The following KLF1 variants were observed in gnomAD, a reference collection of about 807,000 sequenced individuals.
KLF1 encodes Krueppel-like factor 1.
KLF1 carries 29 observed loss-of-function variants against 28.0 expected under a neutral mutation model. The observed-to-expected ratio is 1.04, with a 90% confidence interval of 0.77 to 1.41. The LOEUF is 1.41. Among genes scored for constraint, KLF1 ranks in the 40% most tolerant of loss-of-function variants. The pLI is 0.00. For missense variants in KLF1, 508 were observed against 515.1 expected (o/e 0.99, Z 0.13); for synonymous variants, 262 against 242.6 (o/e 1.08, Z -0.74).
rs1258067568 is a variant in KLF1 at position 12,885,304 on chromosome 19, CCCG to C, written c.913+10_913+12del. The C allele has an allele frequency of 5.1e-6, 8 of 1,564,842 alleles. No individual in the cohort carries two copies. The highest frequency in any genetic ancestry group is 6.9e-6 in the Non-Finnish European group (8 of 1,154,074). On this transcript the variant is annotated intron_variant, in intron 2 of 2. Coordinates refer to ENST00000264834, the MANE Select transcript of KLF1 (RefSeq NM_006563.5). The surrounding 1 kb of genome is among the most constrained non-coding windows in gnomAD (Gnocchi z 5.6). ...CCGCGCCCTTTCTCATGTCCGGGGCCCCGCCCCCTCACCTGTGTGCGTGCGCAG... is the reference window on the plus strand; with the variant it reads ...CCGCGCCCTTTCTCATGTCCGGGGCCCCCCCTCACCTGTGTGCGTGCGCAG...
intron 1 of KLF1, among the ~76,000 whole-genome samples, chr19:12,886,609 CT>C (rs969979307): frequency 0.068 from 9,419 of 137,768 alleles, 389 homozygotes; most frequent in African/African-American, 0.13. Flanking sequence ...GATCTCGTTC[CT>C]TTTTTTTTTT....
At position 12,885,336 on chromosome 19, in the gene KLF1, C is replaced by T. The variant is rs377567042; in HGVS notation, c.894G>A (p.Ala298=). 3.8e-6 allele frequency: 6 copies of T among 1,594,448 alleles called. No individual in the cohort carries two copies. Among genetic ancestry groups the T allele is most frequent in the Admixed American group, 1.7e-5 (1 of 57,458 alleles). The change falls in exon 2 of 3, where the codon GCG becomes GCA. Residue 298 remains alanine (A), a synonymous_variant. Coordinates refer to ENST00000264834, the MANE Select transcript of KLF1 (RefSeq NM_006563.5). This position sits in a 1 kb window ranked among gnomAD's most constrained non-coding sequence, Gnocchi z 5.6. ...KSYTKSSHLK[A]HLRTHTGEKP... is the part of the protein sequence containing the mutation. ...CCTCACCTGTGTGCGTGCGCAGATG[C>T]GCCTTCAGGTGGGAGCTCTTGGTGT...
In KLF1 at chr19:12,884,807, G is replaced by A. The variant is rs942327194; in HGVS notation, c.*78C>T. On this transcript the variant is annotated 3_prime_UTR_variant, in exon 3 of 3. Coordinates refer to ENST00000264834, the MANE Select transcript of KLF1 (RefSeq NM_006563.5). ...AACCACCCAGCATTGTGTCACGCGC[G>A]TCCGTGTGAAGAGACCACCAAACAG... 2.0e-6 allele frequency: 3 copies of A among 1,475,398 alleles called. 1 individual carries two copies. Among genetic ancestry groups the A allele is most frequent in the Admixed American group, 3.4e-5 (2 of 59,660 alleles). The allele number at this position is 1,475,398 out of a possible 1,614,324, so 91.4% of individuals were successfully genotyped here. A position where few individuals can be genotyped will look rare whatever the true frequency, so the allele number is the denominator to read the frequency against.
At position 12,885,185 on chromosome 19, in the gene KLF1, G is replaced by A; in HGVS notation, c.914-125C>T. On this transcript the variant is annotated intron_variant, in intron 2 of 2. Coordinates refer to ENST00000264834, the MANE Select transcript of KLF1 (RefSeq NM_006563.5). This position sits in a 1 kb window ranked among gnomAD's most constrained non-coding sequence, Gnocchi z 5.6. Reference sequence around the variant, plus strand: ...AGGATGAACAAAGTGAGGCCCCTAGGGCACAAAATTTAAGGAGGCACTCAC... The same window carrying A: ...AGGATGAACAAAGTGAGGCCCCTAGAGCACAAAATTTAAGGAGGCACTCAC... 1.4e-6 allele frequency: 2 copies of A among 1,380,010 alleles called. No homozygotes were observed. The highest frequency in any genetic ancestry group is 9.9e-7 in the Non-Finnish European group (1 of 1,007,684). 85.5% of individuals were successfully genotyped at this position (1,380,010 alleles called of 1,614,324 possible). A position where few individuals can be genotyped will look rare whatever the true frequency, so the allele number is the denominator to read the frequency against.
At position 12,884,991 on chromosome 19, in the gene KLF1, C is replaced by T. The variant is rs140252918; in HGVS notation, c.983G>A (p.Arg328His). The change falls in exon 3 of 3, where the codon CGC becomes CAC. Residue 328 changes from arginine to histidine, a missense_variant. Transcript: ENST00000264834. Reference sequence around the variant, plus strand: ...CTGCCCCGTGTGTTTCCGGTAGTGGCGGGTCAGCTCGTCCGAGCGCGCGAA... The same window carrying T: ...CTGCCCCGTGTGTTTCCGGTAGTGGTGGGTCAGCTCGTCCGAGCGCGCGAA... ...WRFARSDELT[R>H]HYRKHTGQRP... 6 of 1,611,066 alleles carry T rather than the reference C, an allele frequency of 3.7e-6. No individual in the cohort carries two copies. In the African/African-American group the frequency reaches 6.7e-5, roughly 18 times the overall value.
Position 12,885,686 on chromosome 19 carries a change from A to G in KLF1, c.544T>C (p.Phe182Leu), listed in dbSNP as rs2072596. 0.037 allele frequency: 56,246 copies of G among 1,534,176 alleles called. 1,171 individuals carry two copies. Among genetic ancestry groups the G allele is most frequent in the African/African-American group, 0.075 (5,474 of 72,588 alleles). The change falls in exon 2 of 3, where the codon TTC becomes CTC. Residue 182 changes from phenylalanine to leucine, a missense_variant. Phe to Leu is a conservative substitution (Grantham distance 22). Coordinates refer to ENST00000264834, the MANE Select transcript of KLF1 (RefSeq NM_006563.5). The surrounding 1 kb of genome is among the most constrained non-coding windows in gnomAD (Gnocchi z 5.6). ...GGCACTGAAAGCCCGGTCCGCGGGA[A>G]GTAGCCACCCGAGGAGCCGGCGCCG... The part of the protein sequence containing the change: ...GPGAGSSGGY[F>L]PRTGLSVPAA...
In KLF1 at chr19:12,885,260, C is replaced by T. The variant is rs1970423291; in HGVS notation, c.913+57G>A. 1 of 1,474,834 alleles carries T rather than the reference C, an allele frequency of 6.8e-7. No individual in the cohort carries two copies. The highest frequency in any genetic ancestry group is 2.0e-5 in the Admixed American group (1 of 50,302). The allele number at this position is 1,474,834 out of a possible 1,614,324, so 91.4% of individuals were successfully genotyped here. ...TCCCGCCCTCTGCAACCCTTCTTCC[C>T]CTGTAACTACAGCGGGCGCCGCGCC... On this transcript the variant is annotated intron_variant, in intron 2 of 2. Transcript: ENST00000264834. This position sits in a 1 kb window ranked among gnomAD's most constrained non-coding sequence, Gnocchi z 5.6.
In KLF1 at chr19:12,885,119, T is replaced by C; in HGVS notation, c.914-59A>G. On this transcript the variant is annotated intron_variant, in intron 2 of 2. Transcript: ENST00000264834. The surrounding 1 kb of genome is among the most constrained non-coding windows in gnomAD (Gnocchi z 5.6). ...TGCCCAGTCATGTCCCCGGGTCCCC[T>C]GCATCTGGCCACACCCCTTTACTCA... 1.3e-6 allele frequency: 2 copies of C among 1,572,764 alleles called. No homozygotes were observed. Among genetic ancestry groups the C allele is most frequent in the Non-Finnish European group, 1.7e-6 (2 of 1,158,062 alleles).
chr19:12,885,581 G>T lies in KLF1; in HGVS notation c.649C>A (p.Gln217Lys). 1 of 1,560,236 alleles carries T rather than the reference G, an allele frequency of 6.4e-7. No individual in the cohort carries two copies. Among genetic ancestry groups the T allele is most frequent in the South Asian group, 1.2e-5 (1 of 85,186 alleles). ...GGTCCCTGGAGCCCGCGGAAGAGCT[G>T]GAAGTGCCCTTGGTACTGAGGCGCC... ...YPAPQYQGHF[Q>K]LFRGLQGPAP... The change falls in exon 2 of 3, where the codon CAG becomes AAG. Residue 217 changes from glutamine to lysine, a missense_variant. Coordinates refer to ENST00000264834, the MANE Select transcript of KLF1 (RefSeq NM_006563.5). This position sits in a 1 kb window ranked among gnomAD's most constrained non-coding sequence, Gnocchi z 5.6.
chr19:12,886,919 C>G lies in KLF1; in HGVS notation c.87+135G>C, dbSNP rs10407416. The G allele has an allele frequency of 3.4e-3, 3,135 of 912,116 alleles. 66 individuals carry two copies. In the African/African-American group the frequency reaches 0.045, roughly 13 times the overall value. 56.5% of individuals were successfully genotyped at this position (912,116 alleles called of 1,614,324 possible). On this transcript the variant is annotated intron_variant, in intron 1 of 2. Coordinates refer to ENST00000264834, the MANE Select transcript of KLF1 (RefSeq NM_006563.5). ...CTGCCAGACTAAGCTGAGATCTCCTCTCCTGGACTGAGCGTACCTCAGTCC... is the reference window on the plus strand; with the variant it reads ...CTGCCAGACTAAGCTGAGATCTCCTGTCCTGGACTGAGCGTACCTCAGTCC...
In KLF1 at chr19:12,885,844, G is replaced by C. The variant is rs941032169; in HGVS notation, c.386C>G (p.Ser129Trp). The C allele has an allele frequency of 1.9e-6, 3 of 1,551,090 alleles. No individual in the cohort carries two copies. The highest frequency in any genetic ancestry group is 2.6e-6 in the Non-Finnish European group (3 of 1,147,696). Reference protein sequence around the residue: ...GPGLVAGLLGSEDHSGWVRPA... With the variant: ...GPGLVAGLLGWEDHSGWVRPA... Reference sequence around the variant, plus strand: ...GCGCACCCAACCCGAGTGATCCTCCGAACCCAAAAGCCCAGCCACCAGCCC... The same window carrying C: ...GCGCACCCAACCCGAGTGATCCTCCCAACCCAAAAGCCCAGCCACCAGCCC... Residue 129 changes from serine to tryptophan, a missense_variant, in exon 2 of 3, where the codon TCG (serine) becomes TGG (tryptophan). Physicochemically the swap from Ser to Trp is radical, Grantham distance 177. Coordinates refer to ENST00000264834, the MANE Select transcript of KLF1 (RefSeq NM_006563.5). The surrounding 1 kb of genome is among the most constrained non-coding windows in gnomAD (Gnocchi z 5.6).
In KLF1 at chr19:12,887,092, G is replaced by A. The variant is rs746696188; in HGVS notation, c.49C>T (p.Leu17=). The A allele has an allele frequency of 1.9e-6, 3 of 1,614,174 alleles. No individual in the cohort carries two copies. The South Asian group carries it at 3.3e-5, about 18-fold the overall frequency. The change falls in exon 1 of 3, where the codon CTG becomes TTG. Residue 17 remains leucine (L), a synonymous_variant. Coordinates refer to ENST00000264834, the MANE Select transcript of KLF1 (RefSeq NM_006563.5). This position sits in a 1 kb window ranked among gnomAD's most constrained non-coding sequence, Gnocchi z 4.7. The part of the protein sequence containing the change: ...ALPSISTLTA[L]GPFPDTQDDF... ...TCCTGTGTGTCCGGGAAGGGGCCCA[G>A]GGCGGTCAGTGTGCTGATGGAGGGC...
At position 12,885,280 on chromosome 19, in the gene KLF1, C is replaced by A. The variant is rs900797180; in HGVS notation, c.913+37G>T. 6.5e-7 allele frequency: 1 copy of A among 1,528,466 alleles called. No individual in the cohort carries two copies. The highest frequency in any genetic ancestry group is 8.9e-7 in the Non-Finnish European group (1 of 1,127,416). The allele number at this position is 1,528,466 out of a possible 1,614,324, so 94.7% of individuals were successfully genotyped here. ...CTTCCCCTGTAACTACAGCGGGCGC[C>A]GCGCCCTTTCTCATGTCCGGGGCCC... On this transcript the variant is annotated intron_variant, in intron 2 of 2. Transcript: ENST00000264834. The surrounding 1 kb of genome is among the most constrained non-coding windows in gnomAD (Gnocchi z 5.6).
chr19:12,885,961 G>A lies in KLF1; in HGVS notation c.269C>T (p.Ala90Val). Residue 90 changes from alanine to valine, a missense_variant, in exon 2 of 3, where the codon GCG becomes GTG. Physicochemically the swap from Ala to Val is moderately conservative, Grantham distance 64. Transcript: ENST00000264834. This position sits in a 1 kb window ranked among gnomAD's most constrained non-coding sequence, Gnocchi z 5.6. ...GGGCGCCAGAGCGCAGGTCTGGGGC[G>A]CGCCACCGGGCTCCGGGCCCGAGAA... ...TNFSGPEPGG[A>V]PQTCALAPSE... 3 of 1,575,458 alleles carry A rather than the reference G, an allele frequency of 1.9e-6. No homozygotes were observed. The Admixed American group carries it at 5.5e-5, about 29-fold the overall frequency.
In KLF1 at chr19:12,885,704, C is replaced by CGGCGCCG. The variant is rs483352838; in HGVS notation, c.519_525dup (p.Gly176ArgfsTer179). The CGGCGCCG allele has an allele frequency of 5.2e-6, 8 of 1,525,522 alleles. No homozygotes were observed. In the East Asian group the frequency reaches 2.0e-4, roughly 38 times the overall value. The allele number at this position is 1,525,522 out of a possible 1,614,324, so 94.5% of individuals were successfully genotyped here. A position where few individuals can be genotyped will look rare whatever the true frequency, so the allele number is the denominator to read the frequency against. On this transcript the variant is annotated frameshift_variant, in exon 2 of 3. Coordinates refer to ENST00000264834, the MANE Select transcript of KLF1 (RefSeq NM_006563.5). LOFTEE classifies it high-confidence loss of function. The surrounding 1 kb of genome is among the most constrained non-coding windows in gnomAD (Gnocchi z 5.6). ...CGCGGGAAGTAGCCACCCGAGGAGC[C>CGGCGCCG]GGCGCCGGGCCCCGGGTACACCGGT... is the stretch of plus-strand genomic sequence containing the variant.
Position 12,885,198 on chromosome 19 carries a change from A to T in KLF1, c.913+119T>A. On this transcript the variant is annotated intron_variant, in intron 2 of 2. Transcript: ENST00000264834. The surrounding 1 kb of genome is among the most constrained non-coding windows in gnomAD (Gnocchi z 5.6). The stretch of plus-strand genomic sequence containing the variant: ...TGAGGCCCCTAGGGCACAAAATTTA[A>T]GGAGGCACTCACTCTCAGAGGCCAG... 7.5e-7 allele frequency: 1 copy of T among 1,341,316 alleles called. No homozygotes were observed. Among genetic ancestry groups the T allele is most frequent in the Non-Finnish European group, 1.0e-6 (1 of 974,202 alleles). The allele number at this position is 1,341,316 out of a possible 1,614,324, so 83.1% of individuals were successfully genotyped here.
rs1385256977 is a variant in KLF1 at position 12,885,022 on chromosome 19, A to G, written c.952T>C (p.Trp318Arg). ...PYACTWEGCG[W>R]RFARSDELTR... The stretch of plus-strand genomic sequence containing the variant: ...AGCTCGTCCGAGCGCGCGAATCTCC[A>G]GCCGCAGCCTTCCCACGTGCAGGCG... Residue 318 changes from tryptophan to arginine, a missense_variant, in exon 3 of 3, where the codon TGG becomes CGG. Transcript: ENST00000264834. This position sits in a 1 kb window ranked among gnomAD's most constrained non-coding sequence, Gnocchi z 5.6. 6.2e-7 allele frequency: 1 copy of G among 1,608,458 alleles called. No individual in the cohort carries two copies. The highest frequency in any genetic ancestry group is 1.7e-5 in the Admixed American group (1 of 60,008).
chr19:12,886,977 A>T (rs1273639868), intron 1 of KLF1, 77 bp downstream of exon 1: 1 of 1,385,942 alleles, frequency 7.2e-7, no homozygotes, highest in East Asian at 2.3e-5. Context: ...GTCAAGATGC[A>T]GGTCTGGACC....
Position 12,884,806 on chromosome 19 carries a change from C to T in KLF1, c.*79G>A, listed in dbSNP as rs1476552535. On this transcript the variant is annotated 3_prime_UTR_variant, in exon 3 of 3. Coordinates refer to ENST00000264834, the MANE Select transcript of KLF1 (RefSeq NM_006563.5). ...AAACCACCCAGCATTGTGTCACGCG[C>T]GTCCGTGTGAAGAGACCACCAAACA... The T allele has an allele frequency of 4.1e-6, 6 of 1,467,334 alleles. No individual in the cohort carries two copies. The highest frequency in any genetic ancestry group is 2.8e-6 in the Non-Finnish European group (3 of 1,055,256). 90.9% of individuals were successfully genotyped at this position (1,467,334 alleles called of 1,614,324 possible).
Sources: allele counts gnomAD v4.1 joint callset (sites outside exome capture counted in the v4.1 genomes callset), GRCh38; gene constraint gnomAD v4.1.1; non-coding constraint Gnocchi (gnomAD v3.1); transcripts MANE v1.5; gene names NCBI Gene and HGNC (gene_info 2026-07-23, HGNC 2026-07-21).